The following SQLE variants were observed in gnomAD, a reference collection of about 807,000 sequenced individuals.
SQLE encodes the protein squalene epoxidase, also known as squalene monooxygenase.
In SQLE, 29 loss-of-function variants were observed where a neutral mutation model predicts 60.7. The observed-to-expected ratio is 0.48, with a 90% CI of 0.36 to 0.65. The LOEUF is 0.65. SQLE is among the 30% of genes least tolerant of loss of function. The pLI is 0.00. For missense variants in SQLE, 605 were observed against 684.1 expected (o/e 0.88, Z 1.29); for synonymous variants, 237 against 246.8 (o/e 0.96, Z 0.37).
At chr8:125,012,922 G>T (rs948897660) in intron 7 of SQLE, among the ~76,000 whole-genome samples, 1 of 152,180 alleles carries the variant, frequency 6.6e-6, no homozygotes, top group Non-Finnish European at 1.5e-5. Flanking sequence ...GTGAACACTT[G>T]TATTATCTTT....
At position 125,022,029 on chromosome 8, in the gene SQLE, GTACCA is replaced by G; in HGVS notation, c.*90_*94del. On this transcript the variant is annotated 3_prime_UTR_variant, in exon 11 of 11. Coordinates refer to ENST00000265896, the MANE Select transcript of SQLE (RefSeq NM_003129.4). Reference sequence around the variant, plus strand: ...TTTGGAAGAGGATATATATAGCATAGTACCATACCACTTATAAAGTGGAAACTCTT... The same window carrying G: ...TTTGGAAGAGGATATATATAGCATAGTACCACTTATAAAGTGGAAACTCTT... 3.2e-6 allele frequency: 3 copies of G among 928,170 alleles called. No individual in the cohort carries two copies. The highest frequency in any genetic ancestry group is 4.4e-6 in the Non-Finnish European group (3 of 686,690). 57.5% of individuals were successfully genotyped at this position (928,170 alleles called of 1,614,324 possible).
chr8:124,999,280 C>G lies in SQLE; in HGVS notation c.-124C>G, dbSNP rs1814800937. On this transcript the variant is annotated 5_prime_UTR_variant, in exon 1 of 11. Transcript: ENST00000265896. ...TGATCGGACTTCTCGTCCTGGGACA[C>G]TGTTTACTGGAGTCTGGCCGGCTCT... 1.1e-6 allele frequency: 1 copy of G among 903,444 alleles called. No individual in the cohort carries two copies. Among genetic ancestry groups the G allele is most frequent in the African/African-American group, 1.7e-5 (1 of 57,676 alleles). 56.0% of individuals were successfully genotyped at this position (903,444 alleles called of 1,614,324 possible).
chr8:125,001,036 C>G (rs1161172702), intron 1 of SQLE, among the ~76,000 whole-genome samples: 2 of 152,032 alleles, frequency 1.3e-5, no homozygotes, highest in Admixed American at 1.3e-4. Flanking sequence ...TAATATTAGC[C>G]TAGGGGTAAT....
At chr8:125,019,190 G>T in intron 9 of SQLE, 1 of 158,634 alleles carries the variant, frequency 6.3e-6, no homozygotes, top group Non-Finnish European at 1.4e-5. Flanking sequence ...TTACTTATTT[G>T]GATTATTTTG....
intron 9 of SQLE, 67 bp downstream of exon 9, chr8:125,018,794 C>A (rs1162810983): frequency 1.9e-6 from 2 of 1,043,206 alleles, no homozygotes; most frequent in Non-Finnish European, 1.4e-6. Flanking sequence ...AAGGAATAAA[C>A]AAGTTAGTGA....
chr8:124,999,940 G>A, intron 1 of SQLE: 1 of 670,146 alleles, frequency 1.5e-6, no homozygotes, highest in Non-Finnish European at 2.7e-6. Context: ...ATTTGATTAT[G>A]AAAGATGGAA....
At chr8:125,017,941 T>G in intron 7 of SQLE, 118 bp from the exon 8 acceptor site, 1 of 1,202,684 alleles carries the variant, frequency 8.3e-7, no homozygotes, top group African/African-American at 1.5e-5. Flanking sequence ...TGTTTTCATG[T>G]ATTTTCACAT....
In SQLE at chr8:124,998,884, C is replaced by G. The variant is rs13266494; in HGVS notation, c.-520C>G. ...AGAAGCCTCTGAACCCGCGCCGGCC[C>G]GCAGCCCCCGTGCCTTCCGGCCGCT... On this transcript the variant is annotated 5_prime_UTR_variant, in exon 1 of 11. Coordinates refer to ENST00000265896, the MANE Select transcript of SQLE (RefSeq NM_003129.4). The G allele has an allele frequency of 2.6e-6, 1 of 382,208 alleles. No homozygotes were observed. Among genetic ancestry groups the G allele is most frequent in the Non-Finnish European group, 4.7e-6 (1 of 214,904 alleles). 23.7% of individuals were successfully genotyped at this position (382,208 alleles called of 1,614,324 possible).
chr8:125,021,071 T>C (rs1461572816), intron 10 of SQLE, 200 bp downstream of exon 10: 2 of 503,298 alleles, frequency 4.0e-6, no homozygotes, highest in African/African-American at 1.9e-5. Context: ...CAGTTAAAGG[T>C]GGTGGTAGAG....
In SQLE at chr8:125,005,720, T is replaced by G. The variant is rs772637650; in HGVS notation, c.725+15T>G. On this transcript the variant is annotated intron_variant, in intron 3 of 10. Coordinates refer to ENST00000265896, the MANE Select transcript of SQLE (RefSeq NM_003129.4). Reference sequence around the variant, plus strand: ...GCAGAGCCCAAGTAAGACCACAGTTTCAAATATATAATTACTAAAGAATCA... The same window carrying G: ...GCAGAGCCCAAGTAAGACCACAGTTGCAAATATATAATTACTAAAGAATCA... 6.6e-7 allele frequency: 1 copy of G among 1,523,938 alleles called. No homozygotes were observed. Among genetic ancestry groups the G allele is most frequent in the Non-Finnish European group, 8.9e-7 (1 of 1,128,708 alleles). The allele number at this position is 1,523,938 out of a possible 1,614,324, so 94.4% of individuals were successfully genotyped here. A position where few individuals can be genotyped will look rare whatever the true frequency, so the allele number is the denominator to read the frequency against.
intron 1 of SQLE, among the ~76,000 whole-genome samples, chr8:125,001,616 G>C (rs1814854728): frequency 6.6e-6 from 1 of 151,372 alleles, no homozygotes; most frequent in Non-Finnish European, 1.5e-5. Flanking sequence ...AATGGGAAGA[G>C]TAGAATATTG....
intron 9 of SQLE, among the ~76,000 whole-genome samples, chr8:125,020,484 A>T (rs1815185464): frequency 6.6e-6 from 1 of 152,208 alleles, no homozygotes; most frequent in Non-Finnish European, 1.5e-5. Context: ...CTTCCAAAGT[A>T]TTTTGCATCA....
chr8:125,018,653 C>G lies in SQLE; in HGVS notation c.1370C>G (p.Ala457Gly), dbSNP rs748025073. The G allele has an allele frequency of 5.0e-6, 8 of 1,601,162 alleles. No homozygotes were observed. The South Asian group carries it at 8.0e-5, about 16-fold the overall frequency. ...TAGGCCAAAAAATCATTTTACTGGG[C>G]AAGAAAAACATCTCATTCCTTTGTC... ...IFEAKKSFYW[A>G]RKTSHSFVVN... Residue 457 changes from alanine (A) to glycine (G), a missense_variant, in exon 9 of 11, where the codon GCA becomes GGA. Ala to Gly is a moderately conservative substitution (Grantham distance 60). Coordinates refer to ENST00000265896, the MANE Select transcript of SQLE (RefSeq NM_003129.4).
Position 124,998,598 on chromosome 8 carries a change from G to T in SQLE, c.-806G>T. On this transcript the variant is annotated 5_prime_UTR_variant, in exon 1 of 11. Coordinates refer to ENST00000265896, the MANE Select transcript of SQLE (RefSeq NM_003129.4). ...GCTGGCGAGAGCCGCCGCCCGCGAG[G>T]GATGCTGGTGAGGAAGCCGTCGGGA... 3 of 686,186 alleles carry T rather than the reference G, an allele frequency of 4.4e-6. No individual in the cohort carries two copies. The highest frequency in any genetic ancestry group is 7.9e-6 in the Non-Finnish European group (3 of 377,394). The allele number at this position is 686,186 out of a possible 1,614,324, so 42.5% of individuals were successfully genotyped here.
At chr8:125,002,824 T>C (rs1398394234) in intron 1 of SQLE, among the ~76,000 whole-genome samples, 3 of 152,252 alleles carry the variant, frequency 2.0e-5, no homozygotes, top group Admixed American at 2.0e-4. Flanking sequence ...TTATTAATGA[T>C]ACAGTTTGCC....
At chr8:125,018,016 A>T in intron 7 of SQLE, 43 bp from the exon 8 acceptor site, 2 of 1,600,486 alleles carry the variant, frequency 1.2e-6, no homozygotes, top group Admixed American at 1.8e-5. Context: ...GTTTTGTCTC[A>T]AGGGATGCTC....
At chr8:125,021,597 C>T (rs1217104160) in intron 10 of SQLE, among the ~76,000 whole-genome samples, 156 bp from the exon 11 acceptor site, 2 of 150,918 alleles carry the variant, frequency 1.3e-5, no homozygotes, top group Non-Finnish European at 2.9e-5. Context: ...ATATTTGTGA[C>T]GTCCTCTAAA....
chr8:125,014,713 C>T (rs1162959414), intron 7 of SQLE, among the ~76,000 whole-genome samples: 1 of 152,182 alleles, frequency 6.6e-6, no homozygotes, highest in Non-Finnish European at 1.5e-5. Flanking sequence ...TTTGTATACA[C>T]AGTCTCCAAA....
At chr8:125,015,368 G>A (rs1363097906) in intron 7 of SQLE, among the ~76,000 whole-genome samples, 1 of 151,858 alleles carries the variant, frequency 6.6e-6, no homozygotes, top group Non-Finnish European at 1.5e-5. Flanking sequence ...CCTTTCGAGT[G>A]GAGTTTAGTC....
Sources: allele counts gnomAD v4.1 joint callset (sites outside exome capture counted in the v4.1 genomes callset), GRCh38; gene constraint gnomAD v4.1.1; transcripts MANE v1.5; gene names NCBI Gene and HGNC (gene_info 2026-07-23, HGNC 2026-07-21).